The following DLGAP2 variants were observed in gnomAD, a reference collection of about 807,000 sequenced individuals.
DLGAP2 encodes DLG associated protein 2, also known as disks large-associated protein 2.
A neutral mutation model predicts 100.3 loss-of-function variants in DLGAP2; 26 were observed. The ratio of observed to expected loss-of-function variants is 0.26; its 90% CI spans 0.19 to 0.36. The LOEUF is 0.36. DLGAP2 is among the 10% of genes least tolerant of loss of function. DLGAP2 has a pLI of 1.00. For synonymous variants in DLGAP2, 886 were observed against 630.1 expected (o/e 1.41, Z -6.08); for missense variants, 1,858 against 1,453.2 (o/e 1.28, Z -4.53).
In DLGAP2 at chr8:1,615,350, G is replaced by C. The variant is rs142740155; in HGVS notation, c.1443-11390G>C. Among the ~76,000 whole-genome samples, 823 of 152,276 alleles carry C rather than the reference G, an allele frequency of 5.4e-3. 2 individuals are homozygous for C. Among genetic ancestry groups the C allele is most frequent in the Non-Finnish European group, 8.4e-3 (571 of 68,018 alleles). Reference sequence around the variant, plus strand: ...ACCAAAATTAGCACACATTGGAGGAGGGAGCAGGTGCCGGGGTCTCTGCCA... The same window carrying C: ...ACCAAAATTAGCACACATTGGAGGACGGAGCAGGTGCCGGGGTCTCTGCCA... On this transcript the variant is annotated intron_variant, in intron 6 of 14. Transcript: ENST00000637795.
chr8:987,699 G>A (rs560550072), intron 2 of DLGAP2, among the ~76,000 whole-genome samples: 2 of 152,070 alleles, frequency 1.3e-5, no homozygotes, highest in South Asian at 2.1e-4. Context: ...TTTCTGCCTG[G>A]AGGTGGGTAA....
At chr8:1,344,123 C>G (rs112183750) in intron 3 of DLGAP2, among the ~76,000 whole-genome samples, 1 of 149,606 alleles carries the variant, frequency 6.7e-6, no homozygotes, top group Non-Finnish European at 1.5e-5. Flanking sequence ...ATTCGGGGCC[C>G]TGTCGTGGGT....
intron 1 of DLGAP2, among the ~76,000 whole-genome samples, chr8:903,118 C>T (rs1044652327): frequency 1.3e-5 from 2 of 151,930 alleles, no homozygotes; most frequent in African/African-American, 2.4e-5. Flanking sequence ...CGTCAGAGTC[C>T]CTATGAGTTA....
chr8:1,387,962 G>T (rs775024433), intron 3 of DLGAP2, among the ~76,000 whole-genome samples: 1 of 152,256 alleles, frequency 6.6e-6, no homozygotes, highest in African/African-American at 2.4e-5. Flanking sequence ...CGATCAAGGC[G>T]TGGAGGTCCC....
chr8:1,197,380 C>A (rs1346393131), intron 2 of DLGAP2, among the ~76,000 whole-genome samples: 1 of 152,232 alleles, frequency 6.6e-6, no homozygotes, highest in Non-Finnish European at 1.5e-5. Flanking sequence ...ATACCTGAGC[C>A]TTTTCTTTCC....
intron 2 of DLGAP2, among the ~76,000 whole-genome samples, chr8:955,903 C>G (rs1001710951): frequency 1.3e-5 from 2 of 152,116 alleles, no homozygotes; most frequent in African/African-American, 4.8e-5. Context: ...GCATGTGTTG[C>G]TCGGTATTAA....
At chr8:787,802 G>A (rs1821913837) in intron 1 of DLGAP2, among the ~76,000 whole-genome samples, 3 of 152,242 alleles carry the variant, frequency 2.0e-5, no homozygotes, top group Admixed American at 6.5e-5. Context: ...CACTGGTGGT[G>A]CTGTTGGGGC....
At chr8:1,494,692 C>T (rs759646788) in intron 3 of DLGAP2, among the ~76,000 whole-genome samples, 20 of 151,896 alleles carry the variant, frequency 1.3e-4, no homozygotes, top group Non-Finnish European at 2.2e-4. Flanking sequence ...TGTGCCATTG[C>T]ACTCCAGCCT....
At chr8:969,375 A>G (rs1400214315) in intron 2 of DLGAP2, among the ~76,000 whole-genome samples, 1 of 151,742 alleles carries the variant, frequency 6.6e-6, no homozygotes, top group Non-Finnish European at 1.5e-5. Flanking sequence ...ATCCCTTGAA[A>G]TCTCCTTCTC....
At chr8:758,076 C>G (rs368267258) in intron 1 of DLGAP2, among the ~76,000 whole-genome samples, 4 of 152,162 alleles carry the variant, frequency 2.6e-5, no homozygotes, top group Non-Finnish European at 5.9e-5. Context: ...TCACCACTTA[C>G]CATATGTGGC....
At chr8:1,380,799 C>T (rs542331061) in intron 3 of DLGAP2, among the ~76,000 whole-genome samples, 1 of 151,846 alleles carries the variant, frequency 6.6e-6, no homozygotes, top group African/African-American at 2.4e-5. Flanking sequence ...ACATTGAACT[C>T]ACAATACCTT....
At chr8:1,174,056 T>C (rs529715551) in intron 2 of DLGAP2, among the ~76,000 whole-genome samples, 2 of 152,310 alleles carry the variant, frequency 1.3e-5, no homozygotes, top group South Asian at 2.1e-4. Context: ...ATGACACAGC[T>C]ATGCCTGGGC....
At chr8:1,127,225 T>G (rs1182825411) in intron 2 of DLGAP2, among the ~76,000 whole-genome samples, 1 of 151,496 alleles carries the variant, frequency 6.6e-6, no homozygotes, top group Non-Finnish European at 1.5e-5. Context: ...AGGGTTGCTG[T>G]GGCCACACTT....
At chr8:1,381,167 A>T (rs1796085119) in intron 3 of DLGAP2, 1 of 152,130 alleles carries the variant, frequency 6.6e-6, no homozygotes, top group Admixed American at 6.5e-5. Flanking sequence ...CTGGACAAGC[A>T]ACCAGAACAG....
chr8:1,412,177 C>T lies in DLGAP2; in HGVS notation c.107-89189C>T, dbSNP rs552822172. Among the ~76,000 whole-genome samples, 146 of 152,318 alleles carry T rather than the reference C, an allele frequency of 9.6e-4. 1 individual carries two copies. Among genetic ancestry groups the T allele is most frequent in the South Asian group, 7.3e-3 (35 of 4,820 alleles). On this transcript the variant is annotated intron_variant, in intron 3 of 14. Coordinates refer to ENST00000637795, the MANE Select transcript of DLGAP2 (RefSeq NM_001346810.2). ...CTTTTTAGCTCCAGTGCTATGGCTC[C>T]CACTGCCCTCTGCAGAGCCCCCAGC...
chr8:1,259,942 G>T (rs571616145), intron 3 of DLGAP2: 52 of 152,290 alleles, frequency 3.4e-4, no homozygotes, highest in African/African-American at 1.1e-3. Context: ...ATATATCCAT[G>T]GTAAAGTCAG....
At chr8:1,544,651 G>T (rs1226366268) in intron 4 of DLGAP2, among the ~76,000 whole-genome samples, 2 of 151,870 alleles carry the variant, frequency 1.3e-5, no homozygotes. Flanking sequence ...AACCACCCTT[G>T]CATTGCTAGG....
intron 3 of DLGAP2, among the ~76,000 whole-genome samples, chr8:1,352,849 G>A (rs1801766898): frequency 6.6e-6 from 1 of 152,208 alleles, no homozygotes; most frequent in African/African-American, 2.4e-5. Flanking sequence ...CTCTGGAGAC[G>A]CAGGAGATCC....
At chr8:1,273,067 T>C (rs73168502) in intron 3 of DLGAP2, among the ~76,000 whole-genome samples, 13,421 of 152,238 alleles carry the variant, frequency 0.088, 744 homozygotes, top group Middle Eastern at 0.14. Context: ...TTGATCCTGG[T>C]CCGGGTCCTG....
Sources: allele counts gnomAD v4.1 joint callset (sites outside exome capture counted in the v4.1 genomes callset), GRCh38; gene constraint gnomAD v4.1.1; transcripts MANE v1.5; gene names NCBI Gene and HGNC (gene_info 2026-07-23, HGNC 2026-07-21).